Variants in VCL observed in about 807,000 individuals in gnomAD.
The protein encoded by VCL is epididymis luminal protein 114.
VCL carries 47 observed loss-of-function variants against 125.7 expected under a neutral mutation model. That is an observed-to-expected ratio of 0.37 (90% CI 0.30 to 0.48). The LOEUF (loss-of-function observed/expected upper bound fraction) is 0.48. Ranked by LOEUF, VCL falls within the 20% of genes least tolerant of loss-of-function variation. The pLI is 0.99. For missense variants in VCL, 1,069 were observed against 1,455.5 expected (o/e 0.73, Z 4.32); for synonymous variants, 458 against 514.6 (o/e 0.89, Z 1.49).
intron 1 of VCL, among the ~76,000 whole-genome samples, chr10:74,039,656 C>A (rs1841057366): frequency 6.6e-6 from 1 of 151,904 alleles, no homozygotes. Context: ...CGTGGTGTCT[C>A]ATGCCTGGAG....
rs1320413814 is a variant in VCL, at chr10:74,067,380, A to T, written c.240-3290A>T. Among the ~76,000 whole-genome samples, 72 of 130,052 alleles carry T rather than the reference A, an allele frequency of 5.5e-4. 1 individual carries two copies. The highest frequency in any genetic ancestry group is 2.4e-3 in the African/African-American group (58 of 24,296). 85.3% of individuals were successfully genotyped at this position (130,052 alleles called of 152,430 possible). ...CACCTGCTAGGGTGGCTTTTATTTA[A>T]AAAAAAAAAAAGATAAGCATTGGTG... On this transcript the variant is annotated intron_variant, in intron 2 of 21. Transcript: ENST00000211998.
In VCL at chr10:74,005,870, TTTTTTA is replaced by T. The variant is rs1314783929; in HGVS notation, c.168+7511_168+7516del. 2.6e-5 allele frequency among the ~76,000 whole-genome samples: 4 copies of T among 152,002 alleles called. No homozygotes were observed. In the East Asian group the frequency reaches 5.8e-4, roughly 22 times the overall value. On this transcript the variant is annotated intron_variant, in intron 1 of 21. Transcript: ENST00000211998. ...AATTTTTATTTTTATTGTTGTATTG[TTTTTTA>T]TTTTTATTTTTATTTATTTATTTTT... is the stretch of plus-strand genomic sequence containing the variant.
chr10:74,065,218 C>T (rs1841549236), intron 2 of VCL, among the ~76,000 whole-genome samples: 1 of 150,760 alleles, frequency 6.6e-6, no homozygotes, highest in African/African-American at 2.5e-5. Flanking sequence ...CTCAATGCAA[C>T]CTCCGCCTCC....
intron 6 of VCL, chr10:74,076,809 C>T (rs1839593025): frequency 2.0e-5 from 3 of 152,618 alleles, no homozygotes; most frequent in South Asian, 2.1e-4. Flanking sequence ...CCAAGCTCTT[C>T]GCTTATTCTC....
chr10:74,037,908 G>A (rs1841012708), intron 1 of VCL, among the ~76,000 whole-genome samples: 1 of 152,228 alleles, frequency 6.6e-6, no homozygotes, highest in Admixed American at 6.5e-5. Context: ...GTAGCCACTA[G>A]CCGTAGGTGG....
At chr10:74,009,370 C>T (rs1036095627) in intron 1 of VCL, among the ~76,000 whole-genome samples, 3 of 151,920 alleles carry the variant, frequency 2.0e-5, no homozygotes, top group South Asian at 2.1e-4. Context: ...GCCATTCTCC[C>T]ACCTCAGCCT....
chr10:74,052,758 A>G (rs1354460720), intron 2 of VCL, among the ~76,000 whole-genome samples: 1 of 145,636 alleles, frequency 6.9e-6, no homozygotes, highest in Admixed American at 6.8e-5. Flanking sequence ...TTTTTTTTTG[A>G]ATTGGACCAT....
intron 1 of VCL, chr10:74,027,679 G>A (rs1252930130): frequency 2.7e-5 from 4 of 150,206 alleles, no homozygotes; most frequent in African/African-American, 9.8e-5. Flanking sequence ...TGAAGTTTAT[G>A]GATGTGTTGA....
rs567412270 is a variant in VCL at position 74,020,840 on chromosome 10, C to CAAA, written c.169-22224_169-22222dup. On this transcript the variant is annotated intron_variant, in intron 1 of 21. Coordinates refer to ENST00000211998, the MANE Select transcript of VCL (RefSeq NM_014000.3). Reference sequence around the variant, plus strand: ...TGGGCAACAGAGCAAGACCTTGTCTCAAAAAAAAAAAAAAAAAAAAAGAGA... The same window carrying CAAA: ...TGGGCAACAGAGCAAGACCTTGTCTCAAAAAAAAAAAAAAAAAAAAAAAAGAGA... Among the ~76,000 whole-genome samples the CAAA allele has an allele frequency of 3.0e-3, 197 of 66,726 alleles. 17 individuals are homozygous for CAAA. The highest frequency in any genetic ancestry group is 1.0e-2 in the African/African-American group (169 of 16,974). 43.8% of individuals were successfully genotyped at this position (66,726 alleles called of 152,430 possible). A position where few individuals can be genotyped will look rare whatever the true frequency, so the allele number is the denominator to read the frequency against.
chr10:74,002,691 G>C lies in VCL; in HGVS notation c.168+4316G>C, dbSNP rs540273387. 3.5e-4 allele frequency among the ~76,000 whole-genome samples: 53 copies of C among 151,466 alleles called. 1 individual carries two copies. In the East Asian group the frequency reaches 9.1e-3, roughly 26 times the overall value. ...GAGGTCAAGAGATGGAGACCATCCT[G>C]GCCAACAGGGTGAAACCCCGTCTCT... is the stretch of plus-strand genomic sequence containing the variant. On this transcript the variant is annotated intron_variant, in intron 1 of 21. Transcript: ENST00000211998.
In VCL at chr10:74,094,427, G is replaced by A. The variant is rs2131914592; in HGVS notation, c.1509G>A (p.Trp503Ter). 6.2e-7 allele frequency: 1 copy of A among 1,614,128 alleles called. No individual in the cohort carries two copies. The highest frequency in any genetic ancestry group is 8.5e-7 in the Non-Finnish European group (1 of 1,179,976). ...LEGKIEQAQRWIDNPTVDDRG... is the reference protein window; with the variant it reads ...LEGKIEQAQR ...GCAAGATTGAGCAAGCACAGCGGTG[G>A]ATTGATAATCCCACAGTGGATGACC... is the stretch of plus-strand genomic sequence containing the variant. Residue 503 changes from tryptophan (W) to a stop codon, truncating the protein, a stop_gained, in exon 11 of 22, where the codon TGG (tryptophan) becomes TGA (stop). Transcript: ENST00000211998. LOFTEE classifies it high-confidence loss of function.
Position 74,109,013 on chromosome 10 carries a change from G to A in VCL, c.2602G>A (p.Gly868Ser), listed in dbSNP as rs960636997. 1.9e-6 allele frequency: 3 copies of A among 1,614,028 alleles called. No homozygotes were observed. Among genetic ancestry groups the A allele is most frequent in the Non-Finnish European group, 2.5e-6 (3 of 1,180,034 alleles). The stretch of plus-strand genomic sequence containing the variant: ...TCCTCCCAAACCACCTCTGCCTGAA[G>A]GTGAGGTCCCTCCACCTAGGCCTCC... ...LAPPKPPLPE[G>S]EVPPPRPPPP... is the part of the protein sequence containing the mutation. Residue 868 changes from glycine to serine, a missense_variant, in exon 18 of 22, where the codon GGT (glycine) becomes AGT (serine). This residue lies in a region of VCL where 28 missense variants were observed against 65.1 expected (regional missense o/e 0.43). Coordinates refer to ENST00000211998, the MANE Select transcript of VCL (RefSeq NM_014000.3).
At position 74,042,426 on chromosome 10, in the gene VCL, G is replaced by A. The variant is rs147556609; in HGVS notation, c.169-657G>A. ...CCCAGGTATGACTTTTTTTATGTCC[G>A]CTAACAAATTCTAGCAAGTGATTTT... On this transcript the variant is annotated intron_variant, in intron 1 of 21. Coordinates refer to ENST00000211998, the MANE Select transcript of VCL (RefSeq NM_014000.3). 5.8e-3 allele frequency among the ~76,000 whole-genome samples: 883 copies of A among 152,074 alleles called. 6 individuals are homozygous for A. The highest frequency in any genetic ancestry group is 0.02 in the African/African-American group (835 of 41,484).
chr10:74,034,985 AG>A (rs1840944743), intron 1 of VCL, among the ~76,000 whole-genome samples: 1 of 152,252 alleles, frequency 6.6e-6, no homozygotes, highest in African/African-American at 2.4e-5. Context: ...AGCCACAGTA[AG>A]TACAGGCAAA....
At chr10:74,084,547 A>C (rs1486471272) in intron 8 of VCL, among the ~76,000 whole-genome samples, 4 of 150,306 alleles carry the variant, frequency 2.7e-5, no homozygotes, top group Admixed American at 1.3e-4. Flanking sequence ...TTGGCTTCCA[A>C]AAGTGCTGGG....
chr10:74,107,151 G>C (rs1840147912), intron 16 of VCL, 79 bp from the exon 17 acceptor site: 2 of 1,610,934 alleles, frequency 1.2e-6, no homozygotes, highest in African/African-American at 1.3e-5. Context: ...TTTGTTCATG[G>C]AACCAGTTCT....
intron 10 of VCL, 73 bp downstream of exon 10, chr10:74,090,271 T>C (rs2131909030): frequency 2.6e-6 from 4 of 1,559,652 alleles, no homozygotes; most frequent in South Asian, 2.2e-5. Context: ...TCTCCCTTTC[T>C]TTCTTTCTTC....
At chr10:74,115,252 G>C (rs1372744454) in intron 21 of VCL, among the ~76,000 whole-genome samples, 1 of 151,966 alleles carries the variant, frequency 6.6e-6, no homozygotes, top group Non-Finnish European at 1.5e-5. Context: ...CAAAACACCA[G>C]GAATTGGGAG....
At chr10:74,011,300 G>A (rs758338052) in intron 1 of VCL, among the ~76,000 whole-genome samples, 5 of 151,878 alleles carry the variant, frequency 3.3e-5, no homozygotes, top group Admixed American at 1.3e-4. Flanking sequence ...ATAATTAGAC[G>A]TAGGAAATGG....
Sources: gnomAD v4.1 joint callset for allele counts (sites outside exome capture counted in the v4.1 genomes callset) on GRCh38, gnomAD v4.1.1 for gene constraint, gnomAD v4.1.1 regional missense constraint, MANE v1.5 for transcripts, NCBI Gene and HGNC (gene_info 2026-07-23, HGNC 2026-07-21) for gene names.